The following QTGAL variants were observed in gnomAD, a reference collection of about 807,000 sequenced individuals.
The protein encoded by QTGAL is BGnT-like protein 1.
At chr17:82,951,935 G>A in the QTGAL span, among the ~76,000 whole-genome samples, 2 of 152,014 alleles carry the variant, frequency 1.3e-5, no homozygotes, top group East Asian at 3.9e-4. Flanking sequence ...TACAGTAACA[G>A]TTTGACATAT....
At chr17:83,007,921 G>A in the QTGAL span, among the ~76,000 whole-genome samples, 1 of 152,246 alleles carries the variant, frequency 6.6e-6, no homozygotes, top group Non-Finnish European at 1.5e-5. Context: ...AAGGCAGCAA[G>A]CTCTCTCCCG....
the QTGAL span, among the ~76,000 whole-genome samples, chr17:83,025,543 C>T: frequency 2.3e-5 from 1 of 42,968 alleles, no homozygotes; most frequent in Non-Finnish European, 5.0e-5. Flanking sequence ...ACACGGACAC[C>T]GCGGAGTCCA....
At chr17:82,986,400 C>T in the QTGAL span, among the ~76,000 whole-genome samples, 1 of 152,246 alleles carries the variant, frequency 6.6e-6, no homozygotes, top group East Asian at 1.9e-4. Flanking sequence ...GCTATACCCA[C>T]AAGCTGGGCT....
the QTGAL span, chr17:83,005,441 C>T: frequency 1.6e-6 from 1 of 626,580 alleles, no homozygotes. This position sits in a 1 kb window ranked among gnomAD's most constrained non-coding sequence, Gnocchi z 5.6. Flanking sequence ...GAAGACGGCC[C>T]TGGACGCGCA....
the QTGAL span, among the ~76,000 whole-genome samples, chr17:83,041,065 C>CAA: frequency 1.2e-3 from 107 of 89,792 alleles, no homozygotes; most frequent in African/African-American, 3.7e-3. Context: ...GACTCCATCT[C>CAA]AAAAAAAAAA....
At chr17:83,021,531 C>G in the QTGAL span, among the ~76,000 whole-genome samples, 1 of 152,066 alleles carries the variant, frequency 6.6e-6, no homozygotes, top group Non-Finnish European at 1.5e-5. Context: ...AAGGCATAAA[C>G]ACATGGAGAG....
chr17:82,961,311 G>A, the QTGAL span: 15 of 1,331,158 alleles, frequency 1.1e-5, no homozygotes, highest in African/African-American at 5.9e-5. Flanking sequence ...CAAAGAAACC[G>A]GTCTAGAGGC....
chr17:83,005,140 A>G, the QTGAL span: 1 of 1,609,356 alleles, frequency 6.2e-7, no homozygotes, highest in Non-Finnish European at 8.5e-7. This position sits in a 1 kb window ranked among gnomAD's most constrained non-coding sequence, Gnocchi z 5.6. Flanking sequence ...CTCCGGCGTC[A>G]GCTGGTTGAT....
the QTGAL span, among the ~76,000 whole-genome samples, chr17:82,966,987 CA>C: frequency 6.6e-6 from 1 of 152,164 alleles, no homozygotes; most frequent in African/African-American, 2.4e-5. Context: ...AGAAGACAGG[CA>C]ATGAGTTAAA....
the QTGAL span, among the ~76,000 whole-genome samples, chr17:82,986,029 T>C: frequency 2.0e-5 from 3 of 152,162 alleles, no homozygotes; most frequent in Admixed American, 6.5e-5. Context: ...AAAGCCCTCA[T>C]GCTGTCTTCA....
chr17:82,986,060 G>A, the QTGAL span, among the ~76,000 whole-genome samples: 1 of 152,210 alleles, frequency 6.6e-6, no homozygotes, highest in African/African-American at 2.4e-5. Context: ...TCAGAAACCT[G>A]ACACCGGGCC....
chr17:82,967,357 G>A, the QTGAL span, among the ~76,000 whole-genome samples: 1 of 152,178 alleles, frequency 6.6e-6, no homozygotes, highest in African/African-American at 2.4e-5. Flanking sequence ...CACAATGGCT[G>A]AGAACCATCG....
At chr17:82,952,479 T>C in the QTGAL span, among the ~76,000 whole-genome samples, 1 of 152,166 alleles carries the variant, frequency 6.6e-6, no homozygotes, top group Non-Finnish European at 1.5e-5. Flanking sequence ...CATTACCTAA[T>C]GGTAAAGGGA....
the QTGAL span, among the ~76,000 whole-genome samples, chr17:83,023,730 G>C: frequency 2.0e-5 from 3 of 152,166 alleles, no homozygotes; most frequent in Non-Finnish European, 2.9e-5. Context: ...GCATGCTGGG[G>C]AGGCGCCAGA....
the QTGAL span, chr17:82,945,682 G>A: frequency 1.3e-5 from 2 of 152,158 alleles, no homozygotes; most frequent in Non-Finnish European, 2.9e-5. Flanking sequence ...GAGCTGTCCT[G>A]TTTATTGCAG....
At chr17:82,962,574 T>C in the QTGAL span, among the ~76,000 whole-genome samples, 1,772 of 71,470 alleles carry the variant, frequency 0.025, 18 homozygotes, top group African/African-American at 0.033. Context: ...AGGGTGGAGG[T>C]TCCTGTGGGT....
chr17:82,973,980 C>CCAG, the QTGAL span, among the ~76,000 whole-genome samples: 2 of 152,182 alleles, frequency 1.3e-5, no homozygotes, highest in African/African-American at 4.8e-5. Context: ...AGCAAGCAGC[C>CCAG]CAGCCCCTTG....
chr17:82,996,149 G>A, the QTGAL span, among the ~76,000 whole-genome samples: 1 of 152,224 alleles, frequency 6.6e-6, no homozygotes, highest in African/African-American at 2.4e-5. Context: ...AACGACTATT[G>A]TTAAAATATC....
At chr17:82,957,415 C>G in the QTGAL span, 1 of 1,612,992 alleles carries the variant, frequency 6.2e-7, no homozygotes, top group South Asian at 1.1e-5. Context: ...TGCTTGCCAG[C>G]GTTCCAGATG....
Sources: allele counts gnomAD v4.1 joint callset (sites outside exome capture counted in the v4.1 genomes callset), GRCh38; gene constraint gnomAD v4.1.1; non-coding constraint Gnocchi (gnomAD v3.1); transcripts MANE v1.5; gene names NCBI Gene and HGNC (gene_info 2026-07-23, HGNC 2026-07-21).